PIK3CD: variants seen among roughly 807,000 people sequenced by gnomAD.
PIK3CD encodes the protein phosphatidylinositol-4,5-bisphosphate 3-kinase catalytic subunit delta.
In PIK3CD, 20 loss-of-function variants were observed where a neutral mutation model predicts 122.9. The ratio of observed to expected loss-of-function variants is 0.16; its 90% CI spans 0.11 to 0.24. The LOEUF is 0.24. Ranked by LOEUF, PIK3CD falls within the 10% of genes least tolerant of loss-of-function variation. The pLI, the probability that PIK3CD is intolerant of heterozygous loss-of-function variation, is 1.00. For synonymous variants in PIK3CD, 596 were observed against 593.4 expected, an observed-to-expected ratio of 1.00 and a Z score of -0.06; for missense variants, 787 against 1,406.3, an observed-to-expected ratio of 0.56 and a Z score of 7.04.
chr1:9,712,196 G>A (rs1484241622), intron 3 of PIK3CD, among the ~76,000 whole-genome samples: 3 of 152,224 alleles, frequency 2.0e-5, no homozygotes, highest in East Asian at 1.9e-4. Context: ...TAAAGGGCTT[G>A]TGCCCCTTAC....
At chr1:9,693,249 G>T (rs1317473209) in intron 2 of PIK3CD, among the ~76,000 whole-genome samples, 1 of 152,068 alleles carries the variant, frequency 6.6e-6, no homozygotes, top group Non-Finnish European at 1.5e-5. Context: ...TTTTGAGATG[G>T]AGTCTTGCTC....
chr1:9,665,383 C>A (rs1645128906), intron 1 of PIK3CD, among the ~76,000 whole-genome samples: 4 of 151,592 alleles, frequency 2.6e-5, no homozygotes. Context: ...CCAGTTCACC[C>A]TCCCCTACTA....
Position 9,727,324 on chromosome 1 carries a change from T to G in PIK3CD, c.*278T>G. ...GGATTGTCACCCCAAGTCTTCCAGCTGGTGGATCTGGGCCCAGCAAAGACT... is the reference window on the plus strand; with the variant it reads ...GGATTGTCACCCCAAGTCTTCCAGCGGGTGGATCTGGGCCCAGCAAAGACT... On this transcript the variant is annotated 3_prime_UTR_variant, in exon 24 of 24. Transcript: ENST00000377346. 1 of 509,950 alleles carries G rather than the reference T, an allele frequency of 2.0e-6. No homozygotes were observed. The highest frequency in any genetic ancestry group is 3.5e-5 in the East Asian group (1 of 28,622). The allele number at this position is 509,950 out of a possible 1,614,324, so 31.6% of individuals were successfully genotyped here.
Position 9,715,836 on chromosome 1 carries a change from C to T in PIK3CD, c.371-13C>T, listed in dbSNP as rs778337244. On this transcript the variant is annotated splice_polypyrimidine_tract_variant and intron_variant, in intron 4 of 23. Coordinates refer to ENST00000377346, the MANE Select transcript of PIK3CD (RefSeq NM_005026.5). This position sits in a 1 kb window ranked among gnomAD's most constrained non-coding sequence, Gnocchi z 4.1. The stretch of plus-strand genomic sequence containing the variant: ...CTGCCCCACCCGCTGACCCAGCCCT[C>T]CCCACCCCGCAGGCCTCCACGAGTT... 2 of 1,601,920 alleles carry T rather than the reference C, an allele frequency of 1.2e-6. No individual in the cohort carries two copies. The highest frequency in any genetic ancestry group is 2.7e-5 in the African/African-American group (2 of 74,720).
chr1:9,674,408 G>A (rs904081148), intron 1 of PIK3CD, among the ~76,000 whole-genome samples: 3 of 152,140 alleles, frequency 2.0e-5, no homozygotes, highest in African/African-American at 2.4e-5. Context: ...GGCCGGGCGC[G>A]GTGGCTCATG....
chr1:9,653,979 G>T (rs1644759192), intron 1 of PIK3CD: 2 of 1,338,680 alleles, frequency 1.5e-6, no homozygotes, highest in African/African-American at 3.0e-5. Flanking sequence ...GCCCAGACGG[G>T]AGGATCACTT....
chr1:9,695,709 G>A (rs944568186), intron 2 of PIK3CD, among the ~76,000 whole-genome samples: 1 of 151,928 alleles, frequency 6.6e-6, no homozygotes, highest in Non-Finnish European at 1.5e-5. Context: ...GGGCGTGGTG[G>A]CATGTGCCTG....
At chr1:9,686,153 A>G (rs1207532138) in intron 1 of PIK3CD, among the ~76,000 whole-genome samples, 1 of 152,168 alleles carries the variant, frequency 6.6e-6, no homozygotes, top group Non-Finnish European at 1.5e-5. Context: ...AAGGGCTCCA[A>G]TGAGTGGGAG....
chr1:9,661,313 C>T (rs1033257806), intron 1 of PIK3CD, among the ~76,000 whole-genome samples: 6 of 152,122 alleles, frequency 3.9e-5, no homozygotes, highest in African/African-American at 1.2e-4. Context: ...TTACTGACCT[C>T]AGGTGATCTA....
intron 1 of PIK3CD, chr1:9,660,775 G>A (rs1048305202): frequency 6.6e-6 from 1 of 150,628 alleles, no homozygotes; most frequent in African/African-American, 2.4e-5. Context: ...ACTTTTTTGG[G>A]TTTTTTTTTC....
chr1:9,723,206 C>T lies in PIK3CD; in HGVS notation c.2508C>T (p.Asn836=). 1 of 1,613,920 alleles carries T rather than the reference C, an allele frequency of 6.2e-7. No homozygotes were observed. The highest frequency in any genetic ancestry group is 8.5e-7 in the Non-Finnish European group (1 of 1,180,028). ...TACTCCGTTCAGACACCATCGCCAA[C>T]ATCCAACTCAACAAGAGCAACATGG... ...EVVLRSDTIA[N]IQLNKSNMAA... is the part of the protein sequence containing the mutation. The change falls in exon 20 of 24, where the codon AAC becomes AAT. Residue 836 remains asparagine (N), a synonymous_variant. Coordinates refer to ENST00000377346, the MANE Select transcript of PIK3CD (RefSeq NM_005026.5). This position sits in a 1 kb window ranked among gnomAD's most constrained non-coding sequence, Gnocchi z 4.9.
chr1:9,689,882 G>A lies in PIK3CD; in HGVS notation c.-137-1585G>A, dbSNP rs1409518174. 6.6e-6 allele frequency among the ~76,000 whole-genome samples: 1 copy of A among 151,714 alleles called. No homozygotes were observed. The highest frequency in any genetic ancestry group is 1.5e-5 in the Non-Finnish European group (1 of 67,834). On this transcript the variant is annotated intron_variant, in intron 1 of 23. Transcript: ENST00000377346. This position sits in a 1 kb window ranked among gnomAD's most constrained non-coding sequence, Gnocchi z 6.1. ...GGTCCGGGGCCGTGGGGGCTTGGGG[G>A]GCCGAGGCAGGGGGTTGCGTTCGCG... is the stretch of plus-strand genomic sequence containing the variant.
At chr1:9,708,950 G>A (rs1470980608) in intron 2 of PIK3CD, among the ~76,000 whole-genome samples, 2 of 152,210 alleles carry the variant, frequency 1.3e-5, no homozygotes, top group African/African-American at 4.8e-5. Flanking sequence ...ACCTGGAAGA[G>A]GGGGAACACC....
intron 1 of PIK3CD, chr1:9,662,167 AT>A (rs532152401): frequency 8.1e-4 from 120 of 147,716 alleles, no homozygotes; most frequent in South Asian, 5.3e-3. Context: ...TCGATCTCAA[AT>A]TTTTTTTTTT....
intron 13 of PIK3CD, 26 bp from the exon 14 acceptor site, chr1:9,721,101 C>G (rs749816105): frequency 6.2e-7 from 1 of 1,604,868 alleles, no homozygotes; most frequent in Admixed American, 1.7e-5. Flanking sequence ...CCGGCCGCCC[C>G]CAAGCCTGAC....
chr1:9,727,288 C>T lies in PIK3CD; in HGVS notation c.*242C>T. The T allele has an allele frequency of 1.8e-6, 1 of 556,562 alleles. No individual in the cohort carries two copies. The highest frequency in any genetic ancestry group is 3.2e-6 in the Non-Finnish European group (1 of 309,968). 34.5% of individuals were successfully genotyped at this position (556,562 alleles called of 1,614,324 possible). ...CTGGGCCCCCCGAGGCTGCACCTGG[C>T]TCTCGGCTGAGGATTGTCACCCCAA... On this transcript the variant is annotated 3_prime_UTR_variant, in exon 24 of 24. Coordinates refer to ENST00000377346, the MANE Select transcript of PIK3CD (RefSeq NM_005026.5).
intron 1 of PIK3CD, among the ~76,000 whole-genome samples, chr1:9,676,812 G>A (rs1645556400): frequency 6.6e-6 from 1 of 152,198 alleles, no homozygotes; most frequent in African/African-American, 2.4e-5. Context: ...CTAGTCATGG[G>A]GGCTGGCCGC....
At chr1:9,634,395 C>A in the PIK3CD span, among the ~76,000 whole-genome samples, 1 of 152,040 alleles carries the variant, frequency 6.6e-6, no homozygotes, top group Non-Finnish European at 1.5e-5. Flanking sequence ...CTCCTTACCT[C>A]ATGTGATCCA....
In PIK3CD at chr1:9,707,902, T is replaced by C. The variant is rs146360931; in HGVS notation, c.-32-2522T>C. Among the ~76,000 whole-genome samples the C allele has an allele frequency of 5.3e-3, 803 of 151,638 alleles. 18 individuals carry two copies. The highest frequency in any genetic ancestry group is 0.043 in the East Asian group (221 of 5,126). ...TCTGCCTCCTGGGTTCATGCCATTC[T>C]CCTGCCTCAGCCTCCCAAGTAGCTG... On this transcript the variant is annotated intron_variant, in intron 2 of 23. Coordinates refer to ENST00000377346, the MANE Select transcript of PIK3CD (RefSeq NM_005026.5).
Sources: gnomAD v4.1 joint callset for allele counts (sites outside exome capture counted in the v4.1 genomes callset) on GRCh38, gnomAD v4.1.1 for gene constraint, Gnocchi (gnomAD v3.1) non-coding constraint, MANE v1.5 for transcripts, NCBI Gene and HGNC (gene_info 2026-07-23, HGNC 2026-07-21) for gene names.